The following PRSS22 variants were observed in gnomAD, a reference collection of about 807,000 sequenced individuals.
PRSS22 encodes the protein serine protease 22, also known as brain-specific serine protease 4.
Under a neutral mutation model 28.0 loss-of-function variants are expected in PRSS22, and 26 were observed. The observed-to-expected ratio is 0.93, with a 90% confidence interval of 0.68 to 1.29. The LOEUF (loss-of-function observed/expected upper bound fraction) is 1.29. Among genes scored for constraint, PRSS22 ranks in the 50% most tolerant of loss-of-function variants. The pLI is 0.00. For synonymous variants in PRSS22, 217 were observed against 177.9 expected (o/e 1.22, Z -1.75); for missense variants, 444 against 422.1 (o/e 1.05, Z -0.46).
chr16:2,854,350 T>A (rs147713473), intron 4 of PRSS22: 207 of 247,972 alleles, frequency 8.3e-4, no homozygotes, highest in Admixed American at 1.7e-3. Flanking sequence ...AAGTGTTCAA[T>A]AAATGTCCAC....
In PRSS22 at chr16:2,856,115, C is replaced by G. The variant is rs759759990; in HGVS notation, c.248G>C (p.Arg83Pro). The change falls in exon 3 of 6, where the codon CGC (arginine) becomes CCC (proline). Residue 83 changes from arginine to proline, a missense_variant. Transcript: ENST00000161006. ...ACAGTGGGCAGCAGTGATCACCCAG[C>G]GGCTGGTGAGCAGAGAACCTGCGCA... ...HHCAGSLLTS[R>P]WVITAAHCFK... is the part of the protein sequence containing the mutation. 1 of 1,613,920 alleles carries G rather than the reference C, an allele frequency of 6.2e-7. No homozygotes were observed. Among genetic ancestry groups the G allele is most frequent in the South Asian group, 1.1e-5 (1 of 91,082 alleles).
chr16:2,853,322 G>A lies in PRSS22; in HGVS notation c.725C>T (p.Ser242Phe). 6.3e-7 allele frequency: 1 copy of A among 1,595,890 alleles called. No individual in the cohort carries two copies. Among genetic ancestry groups the A allele is most frequent in the South Asian group, 1.1e-5 (1 of 90,568 alleles). Residue 242 changes from serine (S) to phenylalanine (F), a missense_variant, in exon 6 of 6, where the codon TCC becomes TTC. Coordinates refer to ENST00000161006, the MANE Select transcript of PRSS22 (RefSeq NM_022119.4). The surrounding 1 kb of genome is among the most constrained non-coding windows in gnomAD (Gnocchi z 4.6). ...EGERDACLGD[S>F]GGPLMCQVDG... ...CACCTGGCACATGAGGGGGCCCCCGGAGTCGCCCTGCAGAGAGGAGGCGAG... is the reference window on the plus strand; with the variant it reads ...CACCTGGCACATGAGGGGGCCCCCGAAGTCGCCCTGCAGAGAGGAGGCGAG...
In PRSS22 at chr16:2,852,858, G is replaced by T; in HGVS notation, c.*235C>A. ...GGGGCCCGGGGCGGGGCCGGAAGTC[G>T]TGGGGGCGGGGACATGAGGCCGTTG... On this transcript the variant is annotated 3_prime_UTR_variant, in exon 6 of 6. Coordinates refer to ENST00000161006, the MANE Select transcript of PRSS22 (RefSeq NM_022119.4). The T allele has an allele frequency of 1.9e-6, 1 of 520,966 alleles. No homozygotes were observed. The highest frequency in any genetic ancestry group is 3.3e-5 in the East Asian group (1 of 30,012). 32.3% of individuals were successfully genotyped at this position (520,966 alleles called of 1,614,324 possible).
chr16:2,856,005 TGTAAAG>T lies in PRSS22; in HGVS notation c.281+71_281+76del, dbSNP rs2069452210. The stretch of plus-strand genomic sequence containing the variant: ...TGAACAGAGGCCCGGAAGCAGAGCC[TGTAAAG>T]GGAGCCCAGGGCCTGGGGCACAAAG... On this transcript the variant is annotated intron_variant, in intron 3 of 5. Coordinates refer to ENST00000161006, the MANE Select transcript of PRSS22 (RefSeq NM_022119.4). 1.9e-5 allele frequency: 29 copies of T among 1,558,020 alleles called. No homozygotes were observed. The South Asian group carries it at 3.4e-4, about 18-fold the overall frequency.
Position 2,852,859 on chromosome 16 carries a change from TGGGGGC to T in PRSS22, c.*228_*233del. On this transcript the variant is annotated 3_prime_UTR_variant, in exon 6 of 6. Coordinates refer to ENST00000161006, the MANE Select transcript of PRSS22 (RefSeq NM_022119.4). ...GGGCCCGGGGCGGGGCCGGAAGTCG[TGGGGGC>T]GGGGACATGAGGCCGTTGGGCGGGG... 2.3e-6 allele frequency: 1 copy of T among 431,024 alleles called. No homozygotes were observed. The highest frequency in any genetic ancestry group is 3.8e-6 in the Non-Finnish European group (1 of 260,802). 26.7% of individuals were successfully genotyped at this position (431,024 alleles called of 1,614,324 possible).
intron 1 of PRSS22, 92 bp downstream of exon 1, chr16:2,857,931 G>A: frequency 1.0e-6 from 1 of 964,514 alleles, no homozygotes; most frequent in Non-Finnish European, 1.4e-6. Context: ...GGAGATGAGA[G>A]AGGCAAGGCC....
chr16:2,852,819 T>G lies in PRSS22; in HGVS notation c.*274A>C, dbSNP rs1026706587. The G allele has an allele frequency of 9.5e-5, 44 of 463,824 alleles. No individual in the cohort carries two copies. In the South Asian group the frequency reaches 1.3e-3, roughly 14 times the overall value. The allele number at this position is 463,824 out of a possible 1,614,324, so 28.7% of individuals were successfully genotyped here. A position where few individuals can be genotyped will look rare whatever the true frequency, so the allele number is the denominator to read the frequency against. On this transcript the variant is annotated 3_prime_UTR_variant, in exon 6 of 6. Coordinates refer to ENST00000161006, the MANE Select transcript of PRSS22 (RefSeq NM_022119.4). ...CCTATAAAAATCATTAACATTTATA[T>G]ACACAAAAGCGCTGGGGCCCGGGGC...
rs1374067314 is a variant in PRSS22, at chr16:2,855,800, C to A, written c.333G>T (p.Leu111=). ...LFSVLLGAWQ[L]GNPGSRSQKV... ...TCTGGGACCGAGAGCCAGGGTTCCC[C>A]AGCTGCCAGGCCCCCAGCAGCACAG... Residue 111 remains leucine, a synonymous_variant, in exon 4 of 6, where the codon CTG becomes CTT. Transcript: ENST00000161006. 1 of 1,613,732 alleles carries A rather than the reference C, an allele frequency of 6.2e-7. No individual in the cohort carries two copies. Among genetic ancestry groups the A allele is most frequent in the African/African-American group, 1.3e-5 (1 of 74,912 alleles).
In PRSS22 at chr16:2,856,143, G is replaced by C. The variant is rs760515703; in HGVS notation, c.220C>G (p.His74Asp). 32 of 1,613,824 alleles carry C rather than the reference G, an allele frequency of 2.0e-5. No homozygotes were observed. The highest frequency in any genetic ancestry group is 2.5e-5 in the Non-Finnish European group (29 of 1,179,976). Residue 74 changes from histidine to aspartate, a missense_variant, in exon 3 of 6, where the codon CAC becomes GAC. His to Asp is a moderately conservative substitution (Grantham distance 81). Coordinates refer to ENST00000161006, the MANE Select transcript of PRSS22 (RefSeq NM_022119.4). ...CTGGTGAGCAGAGAACCTGCGCAGT[G>C]GTGGGTCCCATTCTTCTGGATGCTC... ...IVSIQKNGTH[H>D]CAGSLLTSRW...
chr16:2,858,112 G>C lies in PRSS22; in HGVS notation c.-8C>G. ...CGCTCCAGAAACCACCATGGCTGGT[G>C]GGGCGGGGGAGCAGGCAGCAGGCTC... On this transcript the variant is annotated 5_prime_UTR_variant, in exon 1 of 6. Coordinates refer to ENST00000161006, the MANE Select transcript of PRSS22 (RefSeq NM_022119.4). 7.9e-7 allele frequency: 1 copy of C among 1,260,542 alleles called. No individual in the cohort carries two copies. Among genetic ancestry groups the C allele is most frequent in the East Asian group, 3.1e-5 (1 of 31,904 alleles). 78.1% of individuals were successfully genotyped at this position (1,260,542 alleles called of 1,614,324 possible).
At chr16:2,855,264 C>T (rs1170205395) in intron 4 of PRSS22, among the ~76,000 whole-genome samples, 1 of 145,032 alleles carries the variant, frequency 6.9e-6, no homozygotes, top group East Asian at 2.0e-4. Flanking sequence ...GGGAGGATCA[C>T]TTGAGCCTGG....
intron 1 of PRSS22, 193 bp from the exon 2 acceptor site, chr16:2,857,041 C>T (rs1230370002): frequency 1.6e-6 from 1 of 608,966 alleles, no homozygotes; most frequent in Non-Finnish European, 2.8e-6. Flanking sequence ...CCAGCACCCC[C>T]TGAGGAGGGT....
chr16:2,853,356 C>T lies in PRSS22; in HGVS notation c.718-27G>A. 1.3e-6 allele frequency: 2 copies of T among 1,566,946 alleles called. No homozygotes were observed. Among genetic ancestry groups the T allele is most frequent in the Non-Finnish European group, 1.7e-6 (2 of 1,158,748 alleles). ...TGCAGAGAGGAGGCGAGGTTAGGAA[C>T]CCCCGTGGCACAGGGGGTGGCAGAA... On this transcript the variant is annotated intron_variant, in intron 5 of 5. Transcript: ENST00000161006. This position sits in a 1 kb window ranked among gnomAD's most constrained non-coding sequence, Gnocchi z 4.6.
chr16:2,857,871 G>A (rs1475388495), intron 1 of PRSS22, 152 bp downstream of exon 1: 1 of 514,704 alleles, frequency 1.9e-6, no homozygotes, highest in African/African-American at 2.0e-5. Flanking sequence ...AGAAGAAACC[G>A]AGGCACAGAG....
At chr16:2,854,187 A>T in intron 4 of PRSS22, 165 bp from the exon 5 acceptor site, 1 of 718,662 alleles carries the variant, frequency 1.4e-6, no homozygotes, top group Non-Finnish European at 2.3e-6. Context: ...TTGAAATTCC[A>T]GGTCTCCACC....
intron 1 of PRSS22, 110 bp downstream of exon 1, chr16:2,857,913 A>G: frequency 1.3e-6 from 1 of 749,034 alleles, no homozygotes. Context: ...ACAGAGCAGA[A>G]GCGGAAAGGA....
rs200614493 is a variant in PRSS22 at position 2,856,063 on chromosome 16, C to A, written c.281+19G>T. The A allele has an allele frequency of 6.2e-7, 1 of 1,610,230 alleles. No individual in the cohort carries two copies. ...CCAGGGCCTTAGAAGATCAAGTGCC[C>A]CAGGCCGGCTGTACATACTCCTTGA... On this transcript the variant is annotated intron_variant, in intron 3 of 5. Transcript: ENST00000161006.
At chr16:2,854,552 T>C (rs1473170780) in intron 4 of PRSS22, 1 of 153,952 alleles carries the variant, frequency 6.5e-6, no homozygotes, top group African/African-American at 2.4e-5. Flanking sequence ...GTGTCATTTC[T>C]CTTAATTATT....
chr16:2,855,719 G>A lies in PRSS22; in HGVS notation c.414C>T (p.Ala138=). Residue 138 remains alanine, a synonymous_variant, in exon 4 of 6, where the codon GCC becomes GCT. Coordinates refer to ENST00000161006, the MANE Select transcript of PRSS22 (RefSeq NM_022119.4). ...GACGCACCAGGGCAATGTCTGCACAGGCACCTTCCTTCCAGGAATACACAG... is the reference window on the plus strand; with the variant it reads ...GACGCACCAGGGCAATGTCTGCACAAGCACCTTCCTTCCAGGAATACACAG... The part of the protein sequence containing the change: ...PHPVYSWKEG[A]CADIALVRLE... 6.2e-7 allele frequency: 1 copy of A among 1,614,224 alleles called. No individual in the cohort carries two copies. Among genetic ancestry groups the A allele is most frequent in the Non-Finnish European group, 8.5e-7 (1 of 1,180,046 alleles).
Sources: gnomAD v4.1 joint callset for allele counts (sites outside exome capture counted in the v4.1 genomes callset) on GRCh38, gnomAD v4.1.1 for gene constraint, Gnocchi (gnomAD v3.1) non-coding constraint, MANE v1.5 for transcripts, NCBI Gene and HGNC (gene_info 2026-07-23, HGNC 2026-07-21) for gene names.